The following CFAP299 variants were observed in gnomAD, a reference collection of about 807,000 sequenced individuals.
The protein encoded by CFAP299 is cilia and flagella associated protein 299.
A neutral mutation model predicts 27.0 loss-of-function variants in CFAP299; 21 were observed. The ratio of observed to expected loss-of-function variants is 0.78; its 90% CI spans 0.55 to 1.12. The LOEUF is 1.12. Ranked by LOEUF, CFAP299 falls within the 50% of genes most tolerant of loss-of-function variation. The pLI, the probability that CFAP299 is intolerant of heterozygous loss-of-function variation, is 0.00. For synonymous variants in CFAP299, 104 were observed against 98.1 expected (o/e 1.06, Z -0.36); for missense variants, 310 against 276.6 (o/e 1.12, Z -0.86).
chr4:80,872,895 T>C (rs983611334), intron 4 of CFAP299: 57 of 965,016 alleles, frequency 5.9e-5, no homozygotes, highest in Non-Finnish European at 9.8e-6. Context: ...TTTCAAAATA[T>C]CATCTCTCTG....
At chr4:80,962,968 C>A (rs1422230096) in intron 5 of CFAP299, among the ~76,000 whole-genome samples, 1 of 151,400 alleles carries the variant, frequency 6.6e-6, no homozygotes, top group Non-Finnish European at 1.5e-5. Flanking sequence ...GTAAACTATG[C>A]TAATTTTTTT....
At chr4:80,596,572 A>G (rs889974812) in intron 3 of CFAP299, among the ~76,000 whole-genome samples, 2 of 151,960 alleles carry the variant, frequency 1.3e-5, no homozygotes, top group African/African-American at 4.8e-5. Context: ...CTCCCTATAC[A>G]GTGTCTCTTT....
intron 2 of CFAP299, among the ~76,000 whole-genome samples, chr4:80,487,134 C>A (rs1016504608): frequency 6.6e-6 from 1 of 152,140 alleles, no homozygotes; most frequent in African/African-American, 2.4e-5. Context: ...TTAACCTTTC[C>A]GGAAACTAGC....
intron 3 of CFAP299, among the ~76,000 whole-genome samples, chr4:80,853,021 T>G (rs1731614567): frequency 1.8e-5 from 2 of 110,760 alleles, no homozygotes; most frequent in South Asian, 3.0e-4. Flanking sequence ...TATTTTCTTT[T>G]TATTTATTTA....
chr4:80,732,502 T>C (rs576367725), intron 3 of CFAP299, among the ~76,000 whole-genome samples: 2 of 152,344 alleles, frequency 1.3e-5, no homozygotes, highest in East Asian at 1.9e-4. Context: ...GAAATTCTTT[T>C]GAATAGTACA....
rs555820851 is a variant in CFAP299, at chr4:80,428,546, T to G, written c.242+65662T>G. Among the ~76,000 whole-genome samples, 38 of 152,292 alleles carry G rather than the reference T, an allele frequency of 2.5e-4. No individual in the cohort carries two copies. In the South Asian group the frequency reaches 7.9e-3, roughly 32 times the overall value. On this transcript the variant is annotated intron_variant, in intron 2 of 5. Transcript: ENST00000358105. ...ATTGCTTTTTTTTCTTTCTTTTTTT[T>G]GAGACAGTCTCACTCTGTCACCTGG...
At position 80,606,829 on chromosome 4, in the gene CFAP299, A is replaced by T. The variant is rs918980451; in HGVS notation, c.333+23646A>T. On this transcript the variant is annotated intron_variant, in intron 3 of 5. Transcript: ENST00000358105. ...CTACACTCTAAATTATATGCTTTTT[A>T]AAAAAAAATTTCACGGATAAAAAAA... is the stretch of plus-strand genomic sequence containing the variant. 1.5e-4 allele frequency among the ~76,000 whole-genome samples: 12 copies of T among 81,752 alleles called. No homozygotes were observed. The East Asian group carries it at 1.5e-3, about 10-fold the overall frequency. The allele number at this position is 81,752 out of a possible 152,430, so 53.6% of individuals were successfully genotyped here. A position where few individuals can be genotyped will look rare whatever the true frequency, so the allele number is the denominator to read the frequency against.
intron 2 of CFAP299, among the ~76,000 whole-genome samples, chr4:80,488,659 A>G (rs894011316): frequency 5.9e-5 from 9 of 152,006 alleles, no homozygotes; most frequent in African/African-American, 1.7e-4. Flanking sequence ...TGTATTCTTA[A>G]TAGAGACGGG....
At chr4:80,386,381 G>A (rs1724994663) in intron 2 of CFAP299, 2 of 1,512,038 alleles carry the variant, frequency 1.3e-6, no homozygotes, top group Non-Finnish European at 8.9e-7. Context: ...TGCCCGGGAC[G>A]GCCTCGGGCA....
chr4:80,540,267 C>T lies in CFAP299; in HGVS notation c.243-42826C>T, dbSNP rs576617668. Among the ~76,000 whole-genome samples, 30 of 152,150 alleles carry T rather than the reference C, an allele frequency of 2.0e-4. No homozygotes were observed. In the South Asian group the frequency reaches 6.0e-3, roughly 31 times the overall value. On this transcript the variant is annotated intron_variant, in intron 2 of 5. Transcript: ENST00000358105. ...GTGAATTTCTGGAGTCTAATTTTTC[C>T]TGAATTTCATTTTAATAAACAGAGG... is the stretch of plus-strand genomic sequence containing the variant.
At chr4:80,630,502 G>GT (rs1211811082) in intron 3 of CFAP299, among the ~76,000 whole-genome samples, 3 of 151,660 alleles carry the variant, frequency 2.0e-5, no homozygotes, top group Non-Finnish European at 4.4e-5. Context: ...TAATAATAGT[G>GT]TTTTTTTAAT....
chr4:80,421,036 G>T (rs529299140), intron 2 of CFAP299, among the ~76,000 whole-genome samples: 1 of 152,080 alleles, frequency 6.6e-6, no homozygotes, highest in African/African-American at 2.4e-5. Context: ...GGTCTGGTTT[G>T]TTCTTTCCAC....
At chr4:80,856,568 A>T (rs1427822119) in intron 3 of CFAP299, among the ~76,000 whole-genome samples, 1 of 151,812 alleles carries the variant, frequency 6.6e-6, no homozygotes, top group Admixed American at 6.6e-5. Context: ...TCCATCTTGA[A>T]TTAATTTTTG....
intron 2 of CFAP299, among the ~76,000 whole-genome samples, chr4:80,447,125 T>A (rs1480914603): frequency 3.4e-5 from 4 of 118,272 alleles, no homozygotes; most frequent in Non-Finnish European, 1.7e-5. Context: ...ATTTGTTTTT[T>A]TTTTGTTTTT....
At chr4:80,933,467 C>A (rs1736733887) in intron 4 of CFAP299, among the ~76,000 whole-genome samples, 1 of 152,058 alleles carries the variant, frequency 6.6e-6, no homozygotes, top group African/African-American at 2.4e-5. Flanking sequence ...TCACAAATGG[C>A]AGGATTTCCT....
chr4:80,568,795 A>G (rs768908890), intron 2 of CFAP299, among the ~76,000 whole-genome samples: 7 of 152,064 alleles, frequency 4.6e-5, no homozygotes, highest in Non-Finnish European at 1.0e-4. Flanking sequence ...GGGAAGAAGG[A>G]CCTTTTAGAC....
chr4:80,742,530 T>C (rs913441680), intron 3 of CFAP299, among the ~76,000 whole-genome samples: 2 of 152,078 alleles, frequency 1.3e-5, no homozygotes, highest in Non-Finnish European at 2.9e-5. Flanking sequence ...ATAGATTGAT[T>C]TAAGGGTTGG....
At chr4:80,818,870 A>C (rs1442912275) in intron 3 of CFAP299, among the ~76,000 whole-genome samples, 1 of 152,080 alleles carries the variant, frequency 6.6e-6, no homozygotes, top group African/African-American at 2.4e-5. Flanking sequence ...AATCAGAAAC[A>C]CCTAACTTAC....
intron 4 of CFAP299, among the ~76,000 whole-genome samples, chr4:80,882,437 G>C (rs1287946259): frequency 6.6e-6 from 1 of 152,130 alleles, no homozygotes; most frequent in Non-Finnish European, 1.5e-5. Flanking sequence ...AGGAGATCGA[G>C]ACCATCCTGG....
Sources: allele counts gnomAD v4.1 joint callset (sites outside exome capture counted in the v4.1 genomes callset), GRCh38; gene constraint gnomAD v4.1.1; transcripts MANE v1.5; gene names NCBI Gene and HGNC (gene_info 2026-07-23, HGNC 2026-07-21).